RORA: variants seen among roughly 807,000 people sequenced by gnomAD.
RORA encodes nuclear receptor ROR-alpha.
Under a neutral mutation model 69.5 loss-of-function variants are expected in RORA, and 7 were observed. That is an observed-to-expected ratio of 0.10 (90% CI 0.06 to 0.19). The LOEUF is 0.19. RORA is among the 10% of genes least tolerant of loss of function. The pLI is 1.00. For synonymous variants in RORA, 261 were observed against 240.8 expected (o/e 1.08, Z -0.78); for missense variants, 457 against 663.0 (o/e 0.69, Z 3.41).
chr15:60,646,584 G>A (rs1352526716), intron 2 of RORA, among the ~76,000 whole-genome samples: 1 of 152,196 alleles, frequency 6.6e-6, no homozygotes, highest in African/African-American at 2.4e-5. Flanking sequence ...AGACTTCCAA[G>A]CCCCCGAATG....
At chr15:61,049,128 G>A (rs895094031) in intron 1 of RORA, among the ~76,000 whole-genome samples, 1 of 152,136 alleles carries the variant, frequency 6.6e-6, no homozygotes, top group Non-Finnish European at 1.5e-5. Context: ...CGGAAACTGC[G>A]GAGAGTTCTC....
rs556659833 is a variant in RORA, at chr15:60,987,493, A to G, written c.166+241560T>C. Among the ~76,000 whole-genome samples, 13 of 152,320 alleles carry G rather than the reference A, an allele frequency of 8.5e-5. No individual in the cohort carries two copies. In the South Asian group the frequency reaches 2.7e-3, roughly 32 times the overall value. ...CATAAAATTCTGGGTCATAGTGAGG[A>G]TTAGGGGTGCTCAAAAATGGTAAGT... is the stretch of plus-strand genomic sequence containing the variant. On this transcript the variant is annotated intron_variant, in intron 1 of 10. Transcript: ENST00000335670.
intron 1 of RORA, among the ~76,000 whole-genome samples, chr15:61,040,152 AT>A (rs1388818395): frequency 5.8e-5 from 7 of 120,224 alleles, no homozygotes; most frequent in African/African-American, 1.8e-4. Context: ...ATATATATAT[AT>A]ATATATATAT....
intron 1 of RORA, among the ~76,000 whole-genome samples, chr15:60,953,922 C>A (rs1356544442): frequency 1.3e-5 from 2 of 151,088 alleles, no homozygotes; most frequent in Admixed American, 6.6e-5. Context: ...TACCATTTGA[C>A]CCAGCCATCC....
At chr15:60,929,776 C>T (rs1477352249) in intron 1 of RORA, among the ~76,000 whole-genome samples, 1 of 152,122 alleles carries the variant, frequency 6.6e-6, no homozygotes, top group African/African-American at 2.4e-5. Flanking sequence ...TGCATAATAG[C>T]CATCTGGGAG....
chr15:60,828,663 C>T (rs138930794), intron 1 of RORA, among the ~76,000 whole-genome samples: 12 of 152,286 alleles, frequency 7.9e-5, no homozygotes, highest in African/African-American at 2.6e-4. Context: ...AGAAACCATA[C>T]GGGATATTTC....
chr15:60,599,644 G>A (rs1349439647), intron 2 of RORA, among the ~76,000 whole-genome samples: 1 of 152,172 alleles, frequency 6.6e-6, no homozygotes, highest in Non-Finnish European at 1.5e-5. Flanking sequence ...GCATTTACCA[G>A]AGATAAAATA....
chr15:60,667,465 A>G (rs2070396778), intron 2 of RORA, among the ~76,000 whole-genome samples: 1 of 152,180 alleles, frequency 6.6e-6, no homozygotes, highest in South Asian at 2.1e-4. Context: ...TTTATGTTAA[A>G]TACATCACCA....
chr15:60,625,290 T>G (rs1292906430), intron 2 of RORA, among the ~76,000 whole-genome samples: 1 of 152,192 alleles, frequency 6.6e-6, no homozygotes, highest in African/African-American at 2.4e-5. Context: ...TTTGTTTTGT[T>G]AAGTAAAAAA....
intron 1 of RORA, among the ~76,000 whole-genome samples, chr15:60,853,081 A>C (rs1347024402): frequency 6.6e-6 from 1 of 152,158 alleles, no homozygotes; most frequent in Admixed American, 6.5e-5. Context: ...AGCCAGACAC[A>C]ATCTCTCTGC....
rs534840849 is a variant in RORA, at chr15:60,827,109, G to GC, written c.167-148424dup. On this transcript the variant is annotated intron_variant, in intron 1 of 10. Coordinates refer to ENST00000335670, the MANE Select transcript of RORA (RefSeq NM_134261.3). ...GATTCAAAGTGTATGACTTCAGAGTGCCCCAAGCCCCTCTTCCCAATGTTT... is the reference window on the plus strand; with the variant it reads ...GATTCAAAGTGTATGACTTCAGAGTGCCCCCAAGCCCCTCTTCCCAATGTTT... Among the ~76,000 whole-genome samples, 228 of 152,302 alleles carry GC rather than the reference G, an allele frequency of 1.5e-3. 1 individual carries two copies. The highest frequency in any genetic ancestry group is 5.1e-3 in the African/African-American group (210 of 41,552).
chr15:60,782,167 G>C (rs1272045770), intron 1 of RORA, among the ~76,000 whole-genome samples: 1 of 152,304 alleles, frequency 6.6e-6, no homozygotes, highest in East Asian at 1.9e-4. Flanking sequence ...GGAGGTTGCA[G>C]TGAGCTGAGA....
chr15:60,593,051 T>C (rs906066357), intron 2 of RORA: 4 of 411,896 alleles, frequency 9.7e-6, no homozygotes, highest in Non-Finnish European at 1.9e-5. Flanking sequence ...TACGGCCCAC[T>C]TCTGGGCCGT....
chr15:61,184,986 C>CAAAAAAA (rs775960162), intron 1 of RORA, among the ~76,000 whole-genome samples: 31 of 59,624 alleles, frequency 5.2e-4, no homozygotes, highest in East Asian at 5.0e-3. Flanking sequence ...CCCTGTCTCT[C>CAAAAAAA]AAAAAAAAAA....
At chr15:61,222,636 A>G (rs910981603) in intron 1 of RORA, among the ~76,000 whole-genome samples, 1 of 152,220 alleles carries the variant, frequency 6.6e-6, no homozygotes, top group African/African-American at 2.4e-5. Flanking sequence ...CAACACTACA[A>G]TATCAAAGAT....
intron 1 of RORA, among the ~76,000 whole-genome samples, chr15:61,141,134 T>G (rs976760369): frequency 6.6e-6 from 1 of 152,198 alleles, no homozygotes; most frequent in Non-Finnish European, 1.5e-5. Context: ...TCTGTCTACA[T>G]TTCAAAACAC....
chr15:61,160,240 C>A (rs531400132), intron 1 of RORA, among the ~76,000 whole-genome samples: 118 of 152,276 alleles, frequency 7.7e-4, no homozygotes, highest in Non-Finnish European at 1.3e-3. Flanking sequence ...GTTGCATAAA[C>A]CTGCTTCCAT....
At position 60,924,185 on chromosome 15, in the gene RORA, G is replaced by C. The variant is rs78813956; in HGVS notation, c.167-245499C>G. On this transcript the variant is annotated intron_variant, in intron 1 of 10. Transcript: ENST00000335670. ...GCTTGTTGACAACTTATCTCCTGAA[G>C]GTGTTAGCTGACAACTTTTCTGAGG... 6.7e-3 allele frequency among the ~76,000 whole-genome samples: 1,012 copies of C among 151,936 alleles called. 13 individuals are homozygous for C. The highest frequency in any genetic ancestry group is 0.023 in the African/African-American group (961 of 41,484).
At chr15:60,620,605 G>A (rs1250416709) in intron 2 of RORA, among the ~76,000 whole-genome samples, 1 of 152,232 alleles carries the variant, frequency 6.6e-6, no homozygotes, top group Non-Finnish European at 1.5e-5. Context: ...GCATGGACCT[G>A]GGAGGGAGCA....
Sources: gnomAD v4.1 joint callset for allele counts (sites outside exome capture counted in the v4.1 genomes callset) on GRCh38, gnomAD v4.1.1 for gene constraint, MANE v1.5 for transcripts, NCBI Gene and HGNC (gene_info 2026-07-23, HGNC 2026-07-21) for gene names.